EGFR: variants seen among roughly 807,000 people sequenced by gnomAD.
EGFR encodes epidermal growth factor receptor, also known as avian erythroblastic leukemia viral (v-erb-b) oncogene homolog.
Under a neutral mutation model 143.0 loss-of-function variants are expected in EGFR, and 58 were observed. That is an observed-to-expected ratio of 0.41 (90% confidence interval 0.33 to 0.50). EGFR has a LOEUF of 0.50. Among genes scored for constraint, EGFR ranks in the 20% least tolerant of loss-of-function variants. The pLI, the probability that EGFR is intolerant of heterozygous loss-of-function variation, is 0.39. For synonymous variants in EGFR, 613 were observed against 594.4 expected, an observed-to-expected ratio of 1.03 and a Z score of -0.45; for missense variants, 1,307 against 1,579.0, an observed-to-expected ratio of 0.83 and a Z score of 2.92.
chr7:55,053,703 C>G (rs978198579), intron 1 of EGFR, among the ~76,000 whole-genome samples: 1 of 152,262 alleles, frequency 6.6e-6, no homozygotes, highest in Non-Finnish European at 1.5e-5. Context: ...GCTTCTAGCC[C>G]TTGCCGGGCC....
At chr7:55,131,237 G>C (rs1793813813) in intron 1 of EGFR, among the ~76,000 whole-genome samples, 1 of 151,772 alleles carries the variant, frequency 6.6e-6, no homozygotes, top group African/African-American at 2.4e-5. Flanking sequence ...CAGTGCAGCT[G>C]CCTGTGGTTC....
intron 1 of EGFR, chr7:55,118,987 A>G (rs1302559995): frequency 6.6e-6 from 1 of 152,160 alleles, no homozygotes; most frequent in Non-Finnish European, 1.5e-5. Context: ...AGTCAAGGAG[A>G]AAAGAATAGA....
At chr7:55,054,403 G>A (rs946948255) in intron 1 of EGFR, among the ~76,000 whole-genome samples, 1 of 152,246 alleles carries the variant, frequency 6.6e-6, no homozygotes, top group African/African-American at 2.4e-5. Context: ...TAACACAGCG[G>A]GAAAAGCTAT....
In EGFR at chr7:55,210,518, CG is replaced by C. The variant is rs1489773200; in HGVS notation, c.*4903del. ...AAGCTCCTGAGGTCATTCCAATGTG[CG>C]GCCAAAGTTGAGAACTACTGGCCTA... On this transcript the variant is annotated 3_prime_UTR_variant, in exon 28 of 28. Coordinates refer to ENST00000275493, the MANE Select transcript of EGFR (RefSeq NM_005228.5). 1 of 152,092 alleles carries C rather than the reference CG, an allele frequency of 6.6e-6. No individual in the cohort carries two copies. The highest frequency in any genetic ancestry group is 1.5e-5 in the Non-Finnish European group (1 of 68,036). 9.4% of individuals were successfully genotyped at this position (152,092 alleles called of 1,614,324 possible). A position where few individuals can be genotyped will look rare whatever the true frequency, so the allele number is the denominator to read the frequency against.
intron 10 of EGFR, among the ~76,000 whole-genome samples, chr7:55,157,198 G>A (rs959979041): frequency 2.0e-5 from 3 of 152,250 alleles, no homozygotes; most frequent in African/African-American, 7.2e-5. Flanking sequence ...CCACGGGCAA[G>A]CCTCGGGTCT....
chr7:55,135,896 T>A (rs923658447), intron 1 of EGFR, among the ~76,000 whole-genome samples: 3 of 135,406 alleles, frequency 2.2e-5, no homozygotes, highest in Non-Finnish European at 5.1e-5. Flanking sequence ...TTTTGTAAAT[T>A]TTTTACAGAT....
At position 55,142,249 on chromosome 7, in the gene EGFR, C is replaced by T. The variant is rs904103288; in HGVS notation, c.89-37C>T. 5.0e-6 allele frequency: 8 copies of T among 1,613,644 alleles called. No homozygotes were observed. In the Admixed American group the frequency reaches 1.0e-4, roughly 20 times the overall value. On this transcript the variant is annotated intron_variant, in intron 1 of 27. Coordinates refer to ENST00000275493, the MANE Select transcript of EGFR (RefSeq NM_005228.5). ...GTTTTATTTTAGTTTTTCTGCATTT[C>T]TCAGTATTTCATGTGATATCTGTCT... is the stretch of plus-strand genomic sequence containing the variant.
chr7:55,198,632 G>T (rs904960501), intron 22 of EGFR, 85 bp from the exon 23 acceptor site: 1 of 1,594,506 alleles, frequency 6.3e-7, no homozygotes, highest in African/African-American at 1.3e-5. Context: ...TCAAGAAACA[G>T]TAACCAGTAA....
chr7:55,036,711 C>T (rs951638893), intron 1 of EGFR, among the ~76,000 whole-genome samples: 1 of 152,080 alleles, frequency 6.6e-6, no homozygotes, highest in South Asian at 2.1e-4. Flanking sequence ...AAGTGGCCCT[C>T]ATCTTACTGT....
At chr7:55,025,748 C>T (rs2128858752) in intron 1 of EGFR, among the ~76,000 whole-genome samples, 1 of 152,314 alleles carries the variant, frequency 6.6e-6, no homozygotes, top group Middle Eastern at 3.4e-3. Context: ...GAAATTGAGC[C>T]ACACCAGGGG....
chr7:55,132,462 A>AT (rs1416544873), intron 1 of EGFR, among the ~76,000 whole-genome samples: 1 of 152,256 alleles, frequency 6.6e-6, no homozygotes, highest in Non-Finnish European at 1.5e-5. Context: ...ATGGGAAGGC[A>AT]TAAAAAAAAG....
intron 1 of EGFR, among the ~76,000 whole-genome samples, chr7:55,099,704 G>A (rs1048783069): frequency 6.6e-5 from 10 of 152,152 alleles, no homozygotes; most frequent in African/African-American, 1.9e-4. Context: ...GCAGACTCCT[G>A]GGACGGTGTG....
intron 27 of EGFR, among the ~76,000 whole-genome samples, chr7:55,204,272 CACAT>C (rs1390065998): frequency 8.4e-5 from 12 of 142,584 alleles, no homozygotes; most frequent in East Asian, 4.3e-4. Flanking sequence ...ACACACACCA[CACAT>C]ACATACACAT....
chr7:55,153,745 G>A (rs530824967), intron 6 of EGFR, among the ~76,000 whole-genome samples: 50 of 152,140 alleles, frequency 3.3e-4, no homozygotes, highest in Non-Finnish European at 6.5e-4. Context: ...TCATCTATAC[G>A]TTAGTAAACA....
chr7:55,211,523 A>C lies in EGFR; in HGVS notation c.*5906A>C, dbSNP rs1417436478. On this transcript the variant is annotated 3_prime_UTR_variant, in exon 28 of 28. Coordinates refer to ENST00000275493, the MANE Select transcript of EGFR (RefSeq NM_005228.5). ...TTTTATATGGTTTATACTGTTGATC[A>C]GAAATGTTGATTGTGCATTGAGTAT... The C allele has an allele frequency of 6.6e-6, 1 of 152,224 alleles. No individual in the cohort carries two copies. Among genetic ancestry groups the C allele is most frequent in the African/African-American group, 2.4e-5 (1 of 41,446 alleles). 9.4% of individuals were successfully genotyped at this position (152,224 alleles called of 1,614,324 possible). A position where few individuals can be genotyped will look rare whatever the true frequency, so the allele number is the denominator to read the frequency against.
In EGFR at chr7:55,156,670, G is replaced by A. The variant is rs1230011854; in HGVS notation, c.1133+11G>A. 3 of 1,614,240 alleles carry A rather than the reference G, an allele frequency of 1.9e-6. No homozygotes were observed. Among genetic ancestry groups the A allele is most frequent in the South Asian group, 1.1e-5 (1 of 91,086 alleles). ...GGTGGCATTTAGGGGGTGAGTCACA[G>A]GTTCAGTTGCTTGTATAAAGAAAAA... On this transcript the variant is annotated intron_variant, in intron 9 of 27. Transcript: ENST00000275493.
chr7:55,176,733 T>C (rs1052715816), intron 19 of EGFR, among the ~76,000 whole-genome samples: 2 of 150,262 alleles, frequency 1.3e-5, no homozygotes, highest in Non-Finnish European at 3.0e-5. Flanking sequence ...TAGATATAAA[T>C]ATTAATATAG....
chr7:55,065,965 C>T (rs1206361961), intron 1 of EGFR, among the ~76,000 whole-genome samples: 1 of 152,054 alleles, frequency 6.6e-6, no homozygotes, highest in African/African-American at 2.4e-5. Context: ...AAGCCTGGCC[C>T]TATTATGTAT....
intron 1 of EGFR, among the ~76,000 whole-genome samples, chr7:55,074,106 G>A (rs1323021227): frequency 2.0e-5 from 3 of 152,238 alleles, no homozygotes; most frequent in Admixed American, 2.0e-4. Flanking sequence ...CGAAGGCTAA[G>A]CCATGTGCTG....
Sources: allele counts gnomAD v4.1 joint callset (sites outside exome capture counted in the v4.1 genomes callset), GRCh38; gene constraint gnomAD v4.1.1; transcripts MANE v1.5; gene names NCBI Gene and HGNC (gene_info 2026-07-23, HGNC 2026-07-21).